Variants in GAB1 observed in about 807,000 individuals in gnomAD.
GAB1 encodes GRB2 associated binding protein 1, also known as GRB2-associated-binding protein 1.
In GAB1, 19 loss-of-function variants were observed where a neutral mutation model predicts 66.5. The ratio of observed to expected loss-of-function variants is 0.29; its 90% CI spans 0.20 to 0.42. The LOEUF is 0.42. Among genes scored for constraint, GAB1 ranks in the 10% least tolerant of loss-of-function variants. GAB1 has a pLI of 1.00. For synonymous variants in GAB1, 294 were observed against 301.4 expected, an observed-to-expected ratio of 0.98 and a Z score of 0.25; for missense variants, 732 against 858.5, an observed-to-expected ratio of 0.85 and a Z score of 1.84.
chr4:143,352,990 CCTAA>C lies in GAB1; in HGVS notation c.72+15733_72+15736del, dbSNP rs1273329739. 3.9e-5 allele frequency among the ~76,000 whole-genome samples: 6 copies of C among 152,136 alleles called. No individual in the cohort carries two copies. In the East Asian group the frequency reaches 9.7e-4, roughly 25 times the overall value. Reference sequence around the variant, plus strand: ...AGAAAGGTTAGAATATGAGAAAGTACCTAACTGTCGCCAAGAAACTCAAAAGACA... The same window carrying C: ...AGAAAGGTTAGAATATGAGAAAGTACCTGTCGCCAAGAAACTCAAAAGACA... On this transcript the variant is annotated intron_variant, in intron 1 of 9. Transcript: ENST00000262994.
chr4:143,434,091 A>G (rs1016752511), intron 3 of GAB1: 62 of 1,293,966 alleles, frequency 4.8e-5, no homozygotes, highest in African/African-American at 1.4e-4. Context: ...AAACCAGCCA[A>G]GGGTCATCTT....
chr4:143,356,081 C>T (rs1013903680), intron 1 of GAB1, among the ~76,000 whole-genome samples: 8 of 150,454 alleles, frequency 5.3e-5, no homozygotes, highest in Non-Finnish European at 7.4e-5. Context: ...GGGTCGGGGC[C>T]GGGGGGAGAC....
At chr4:143,373,809 A>G (rs896808604) in intron 1 of GAB1, among the ~76,000 whole-genome samples, 2 of 133,526 alleles carry the variant, frequency 1.5e-5, no homozygotes, top group Non-Finnish European at 3.2e-5. Flanking sequence ...AGCCTGGGTG[A>G]TGGGAGTGAA....
intron 6 of GAB1, among the ~76,000 whole-genome samples, chr4:143,449,039 C>T (rs1301152275): frequency 5.3e-5 from 8 of 151,806 alleles, no homozygotes; most frequent in Admixed American, 2.0e-4. Context: ...GCCTTCATTT[C>T]GTTATGTACC....
At chr4:143,367,226 A>G (rs1328671057) in intron 1 of GAB1, among the ~76,000 whole-genome samples, 1 of 151,988 alleles carries the variant, frequency 6.6e-6, no homozygotes, top group Non-Finnish European at 1.5e-5. Context: ...GGATAACTAC[A>G]TTTTGGGAGA....
In GAB1 at chr4:143,424,678, G is replaced by T. The variant is rs1733228560; in HGVS notation, c.368-8813G>T. 1.9e-5 allele frequency: 3 copies of T among 158,980 alleles called. No individual in the cohort carries two copies. The South Asian group carries it at 5.5e-4, about 29-fold the overall frequency. The allele number at this position is 158,980 out of a possible 1,614,324, so 9.8% of individuals were successfully genotyped here. ...TTATGTTTATATATAAGAAAGAAAAGGCTGGGCACGGTGGCTCCCTGTAAT... is the reference window on the plus strand; with the variant it reads ...TTATGTTTATATATAAGAAAGAAAATGCTGGGCACGGTGGCTCCCTGTAAT... On this transcript the variant is annotated intron_variant, in intron 2 of 9. Transcript: ENST00000262994.
chr4:143,466,059 C>T (rs757914378), intron 8 of GAB1, 44 bp from the exon 9 acceptor site: 2 of 1,607,624 alleles, frequency 1.2e-6, no homozygotes, highest in East Asian at 2.2e-5. Flanking sequence ...AGTGGTATGT[C>T]TGGTGAATGT....
chr4:143,447,275 C>T (rs1371608084), intron 6 of GAB1, among the ~76,000 whole-genome samples: 3 of 152,022 alleles, frequency 2.0e-5, no homozygotes, highest in South Asian at 2.1e-4. Context: ...CTTGGCGATG[C>T]GGGCTCTTTT....
At chr4:143,450,849 C>T (rs2149778895) in intron 6 of GAB1, among the ~76,000 whole-genome samples, 1 of 151,688 alleles carries the variant, frequency 6.6e-6, no homozygotes, top group Admixed American at 6.6e-5. Flanking sequence ...TGAGATCATG[C>T]TACTGCACTC....
intron 6 of GAB1, among the ~76,000 whole-genome samples, chr4:143,447,570 G>T (rs1488965512): frequency 6.6e-6 from 1 of 152,174 alleles, no homozygotes; most frequent in Non-Finnish European, 1.5e-5. Flanking sequence ...GTGAATGGGA[G>T]TTCACTCATG....
At chr4:143,456,572 T>C (rs1735205831) in intron 6 of GAB1, among the ~76,000 whole-genome samples, 1 of 152,186 alleles carries the variant, frequency 6.6e-6, no homozygotes, top group Admixed American at 6.5e-5. Flanking sequence ...AATTTTAGTA[T>C]TTACCTTTTA....
chr4:143,431,394 T>C (rs1038706710), intron 2 of GAB1, among the ~76,000 whole-genome samples: 1 of 152,194 alleles, frequency 6.6e-6, no homozygotes, highest in East Asian at 1.9e-4. Context: ...AAAGCCCTTT[T>C]CCAGCAAAAC....
chr4:143,466,603 C>T (rs1308626263), intron 9 of GAB1, among the ~76,000 whole-genome samples: 1 of 149,566 alleles, frequency 6.7e-6, no homozygotes, highest in African/African-American at 2.5e-5. Flanking sequence ...GATTCTCCTG[C>T]CTCAGCCTCC....
At position 143,472,079 on chromosome 4, in the gene GAB1, G is replaced by C. The variant is rs1168057594; in HGVS notation, c.*2890G>C. ...ATTTTATGAAGGTTTGAATACTGAAGCACAGTTCTGCTTTCAAAAATTAAA... is the reference window on the plus strand; with the variant it reads ...ATTTTATGAAGGTTTGAATACTGAACCACAGTTCTGCTTTCAAAAATTAAA... On this transcript the variant is annotated 3_prime_UTR_variant, in exon 10 of 10. Coordinates refer to ENST00000262994, the MANE Select transcript of GAB1 (RefSeq NM_002039.4). 1.3e-5 allele frequency: 2 copies of C among 152,128 alleles called. No homozygotes were observed. Among genetic ancestry groups the C allele is most frequent in the Admixed American group, 1.3e-4 (2 of 15,272 alleles). The allele number at this position is 152,128 out of a possible 1,614,324, so 9.4% of individuals were successfully genotyped here.
intron 1 of GAB1, among the ~76,000 whole-genome samples, chr4:143,404,004 C>A (rs1239139278): frequency 6.6e-6 from 1 of 152,162 alleles, no homozygotes; most frequent in Non-Finnish European, 1.5e-5. Flanking sequence ...AGTGCTTTCC[C>A]TTTAGTTCTT....
chr4:143,372,353 A>G (rs938542119), intron 1 of GAB1, among the ~76,000 whole-genome samples: 10 of 152,116 alleles, frequency 6.6e-5, no homozygotes, highest in South Asian at 4.1e-4. Flanking sequence ...TTCAACATCT[A>G]TTTATTGAAT....
intron 1 of GAB1, among the ~76,000 whole-genome samples, chr4:143,407,262 GC>G (rs970706969): frequency 6.9e-4 from 101 of 146,350 alleles, no homozygotes; most frequent in African/African-American, 2.5e-3. Flanking sequence ...TTTTGTCATT[GC>G]TTTTTTTTTT....
chr4:143,389,568 T>C lies in GAB1; in HGVS notation c.73-25909T>C, dbSNP rs553918467. Among the ~76,000 whole-genome samples the C allele has an allele frequency of 3.3e-5, 5 of 152,310 alleles. No individual in the cohort carries two copies. The East Asian group carries it at 9.6e-4, about 29-fold the overall frequency. ...AGTGCAGGGGTCTCTTTTCTTGTGG[T>C]TTATGCATTTTGAAGTTATTAAAGC... On this transcript the variant is annotated intron_variant, in intron 1 of 9. Transcript: ENST00000262994.
rs111446327 is a variant in GAB1, at chr4:143,370,369, A to G, written c.72+33109A>G. Among the ~76,000 whole-genome samples, 417 of 152,226 alleles carry G rather than the reference A, an allele frequency of 2.7e-3. 3 individuals are homozygous for G. The highest frequency in any genetic ancestry group is 9.6e-3 in the African/African-American group (399 of 41,542). On this transcript the variant is annotated intron_variant, in intron 1 of 9. Coordinates refer to ENST00000262994, the MANE Select transcript of GAB1 (RefSeq NM_002039.4). ...ACCCTGGGCTCTTCTGTCTCCAGCCATTGTCCCTTTTGACTAAACACAACC... is the reference window on the plus strand; with the variant it reads ...ACCCTGGGCTCTTCTGTCTCCAGCCGTTGTCCCTTTTGACTAAACACAACC...
Sources: allele counts gnomAD v4.1 joint callset (sites outside exome capture counted in the v4.1 genomes callset), GRCh38; gene constraint gnomAD v4.1.1; transcripts MANE v1.5; gene names NCBI Gene and HGNC (gene_info 2026-07-23, HGNC 2026-07-21).